TENT5C: variants seen among roughly 807,000 people sequenced by gnomAD.
TENT5C encodes the protein family with sequence similarity 46 member C.
Under a neutral mutation model 22.2 loss-of-function variants are expected in TENT5C, and 5 were observed. That is an observed-to-expected ratio of 0.22 (90% confidence interval 0.12 to 0.47). The LOEUF (loss-of-function observed/expected upper bound fraction) is 0.47. Among genes scored for constraint, TENT5C ranks in the 20% least tolerant of loss-of-function variants. The probability of loss-of-function intolerance (pLI) is 0.99; values close to 1 mark genes in which losing one functional copy is unlikely to be tolerated. For missense variants in TENT5C, 364 were observed against 500.9 expected (o/e 0.73, Z 2.61); for synonymous variants, 199 against 195.4 (o/e 1.02, Z -0.15).
At chr1:117,606,758 G>C (rs1427248042) in intron 1 of TENT5C, among the ~76,000 whole-genome samples, 1 of 152,168 alleles carries the variant, frequency 6.6e-6, no homozygotes, top group Non-Finnish European at 1.5e-5. Flanking sequence ...TCATTGCCAA[G>C]TCCTGAGTTT....
intron 1 of TENT5C, among the ~76,000 whole-genome samples, chr1:117,610,161 G>A (rs769862084): frequency 2.0e-5 from 3 of 151,972 alleles, no homozygotes; most frequent in Non-Finnish European, 4.4e-5. Flanking sequence ...TTAGGGGCCC[G>A]TAGACAGGAA....
intron 1 of TENT5C, among the ~76,000 whole-genome samples, chr1:117,621,075 AT>A (rs1043915563): frequency 2.6e-5 from 4 of 152,132 alleles, no homozygotes; most frequent in Non-Finnish European, 5.9e-5. Flanking sequence ...TTCGTCACAG[AT>A]TTTGCTTGGG....
rs1653997217 is a variant in TENT5C, at chr1:117,625,708, G to C, written c.*1664G>C. 1 of 247,936 alleles carries C rather than the reference G, an allele frequency of 4.0e-6. No individual in the cohort carries two copies. The highest frequency in any genetic ancestry group is 1.8e-4 in the South Asian group (1 of 5,528). The allele number at this position is 247,936 out of a possible 1,614,324, so 15.4% of individuals were successfully genotyped here. A position where few individuals can be genotyped will look rare whatever the true frequency, so the allele number is the denominator to read the frequency against. On this transcript the variant is annotated 3_prime_UTR_variant, in exon 2 of 2. Coordinates refer to ENST00000369448, the MANE Select transcript of TENT5C (RefSeq NM_017709.4). The stretch of plus-strand genomic sequence containing the variant: ...AGTGAAGTTATCCTAATGCAAAAGA[G>C]CTTAGTAGAAAATGAGTGGTTTACC...
At chr1:117,616,878 C>T (rs1022604368) in intron 1 of TENT5C, among the ~76,000 whole-genome samples, 1 of 152,188 alleles carries the variant, frequency 6.6e-6, no homozygotes, top group African/African-American at 2.4e-5. Flanking sequence ...TAGACAATCA[C>T]TTCCATAGCT....
chr1:117,619,425 T>C (rs1205513348), intron 1 of TENT5C, among the ~76,000 whole-genome samples: 1 of 152,204 alleles, frequency 6.6e-6, no homozygotes, highest in Non-Finnish European at 1.5e-5. Context: ...GGGGTTCTTC[T>C]GGTATTTCTG....
chr1:117,617,106 T>C (rs1653798495), intron 1 of TENT5C, among the ~76,000 whole-genome samples: 1 of 152,202 alleles, frequency 6.6e-6, no homozygotes, highest in African/African-American at 2.4e-5. Context: ...CCTCTCCCGC[T>C]CGCCCACCTT....
chr1:117,612,177 C>T (rs367627737), intron 1 of TENT5C, among the ~76,000 whole-genome samples: 184 of 152,250 alleles, frequency 1.2e-3, no homozygotes, highest in Non-Finnish European at 2.1e-3. Flanking sequence ...TCTCTTTCTT[C>T]CCAGTGCATC....
chr1:117,606,279 G>C (rs1217834956), intron 1 of TENT5C, 126 bp downstream of exon 1: 1 of 150,540 alleles, frequency 6.6e-6, no homozygotes. Flanking sequence ...AGCCTGGTAG[G>C]GGGCAGGCGG....
intron 1 of TENT5C, among the ~76,000 whole-genome samples, chr1:117,608,128 C>T (rs1469486551): frequency 1.3e-5 from 2 of 149,568 alleles, no homozygotes; most frequent in African/African-American, 4.9e-5. Flanking sequence ...GTTACCAAAA[C>T]AAAGATCCCT....
intron 1 of TENT5C, among the ~76,000 whole-genome samples, chr1:117,615,969 A>G (rs1000679505): frequency 6.6e-6 from 1 of 152,190 alleles, no homozygotes; most frequent in Non-Finnish European, 1.5e-5. Flanking sequence ...CGTCTGTTTT[A>G]GAAAAGATCA....
rs1189175639 is a variant in TENT5C, at chr1:117,626,834, T to G, written c.*2790T>G. The G allele has an allele frequency of 4.0e-6, 1 of 248,226 alleles. No individual in the cohort carries two copies. The highest frequency in any genetic ancestry group is 8.5e-6 in the Non-Finnish European group (1 of 118,140). The allele number at this position is 248,226 out of a possible 1,614,324, so 15.4% of individuals were successfully genotyped here. A position where few individuals can be genotyped will look rare whatever the true frequency, so the allele number is the denominator to read the frequency against. ...GACTCTGATTTGACTCTTTTTCTGA[T>G]GCTTTCGGCATGTCTGCAGCCTGTT... On this transcript the variant is annotated 3_prime_UTR_variant, in exon 2 of 2. Transcript: ENST00000369448.
rs765177038 is a variant in TENT5C, at chr1:117,625,603, G to C, written c.*1559G>C. 6 of 247,942 alleles carry C rather than the reference G, an allele frequency of 2.4e-5. No individual in the cohort carries two copies. The highest frequency in any genetic ancestry group is 1.1e-4 in the African/African-American group (5 of 45,314). 15.4% of individuals were successfully genotyped at this position (247,942 alleles called of 1,614,324 possible). ...TCTAAAGTGATTTAATCAAATTCAT[G>C]CTCCTGATCTTTTTTTTCCCCCTTC... On this transcript the variant is annotated 3_prime_UTR_variant, in exon 2 of 2. Transcript: ENST00000369448.
At chr1:117,621,401 C>G (rs546402352) in intron 1 of TENT5C, among the ~76,000 whole-genome samples, 29 of 152,238 alleles carry the variant, frequency 1.9e-4, no homozygotes, top group African/African-American at 7.0e-4. Context: ...ATTTTATTTC[C>G]ACCACTGGAG....
Position 117,625,710 on chromosome 1 carries a change from T to G in TENT5C, c.*1666T>G. ...TGAAGTTATCCTAATGCAAAAGAGC[T>G]TAGTAGAAAATGAGTGGTTTACCTT... On this transcript the variant is annotated 3_prime_UTR_variant, in exon 2 of 2. Transcript: ENST00000369448. 1 of 248,138 alleles carries G rather than the reference T, an allele frequency of 4.0e-6. No homozygotes were observed. Among genetic ancestry groups the G allele is most frequent in the East Asian group, 6.0e-5 (1 of 16,580 alleles). 15.4% of individuals were successfully genotyped at this position (248,138 alleles called of 1,614,324 possible).
chr1:117,607,468 T>C (rs1653566641), intron 1 of TENT5C, among the ~76,000 whole-genome samples: 2 of 152,216 alleles, frequency 1.3e-5, no homozygotes, highest in South Asian at 4.1e-4. Flanking sequence ...ATTATTTGTA[T>C]TGTGACAACT....
intron 1 of TENT5C, among the ~76,000 whole-genome samples, chr1:117,616,676 T>G (rs1653787769): frequency 1.3e-5 from 2 of 152,212 alleles, no homozygotes. Flanking sequence ...AACCACACAT[T>G]TGAGGTAACA....
intron 1 of TENT5C, among the ~76,000 whole-genome samples, chr1:117,608,380 A>G (rs1462591890): frequency 6.6e-6 from 1 of 152,128 alleles, no homozygotes; most frequent in Non-Finnish European, 1.5e-5. Context: ...CGAGTTCCAG[A>G]GGCCCGTCCC....
rs758936550 is a variant in TENT5C at position 117,624,370 on chromosome 1, T to C, written c.*326T>C. 6.2e-5 allele frequency: 20 copies of C among 321,448 alleles called. No individual in the cohort carries two copies. The highest frequency in any genetic ancestry group is 9.0e-5 in the Non-Finnish European group (15 of 165,786). The allele number at this position is 321,448 out of a possible 1,614,324, so 19.9% of individuals were successfully genotyped here. A position where few individuals can be genotyped will look rare whatever the true frequency, so the allele number is the denominator to read the frequency against. On this transcript the variant is annotated 3_prime_UTR_variant, in exon 2 of 2. Coordinates refer to ENST00000369448, the MANE Select transcript of TENT5C (RefSeq NM_017709.4). Reference sequence around the variant, plus strand: ...TTGAGCTCTGTGCAGTAATCGAGATTGGGAGAATTTGGGCAGCGCGTGAGA... The same window carrying C: ...TTGAGCTCTGTGCAGTAATCGAGATCGGGAGAATTTGGGCAGCGCGTGAGA...
chr1:117,606,570 C>CA (rs1413405919), intron 1 of TENT5C, among the ~76,000 whole-genome samples: 2 of 152,212 alleles, frequency 1.3e-5, no homozygotes, highest in East Asian at 3.9e-4. Flanking sequence ...CCCCGCCACC[C>CA]ATGCCTCCCT....
Sources: gnomAD v4.1 joint callset for allele counts (sites outside exome capture counted in the v4.1 genomes callset) on GRCh38, gnomAD v4.1.1 for gene constraint, MANE v1.5 for transcripts, NCBI Gene and HGNC (gene_info 2026-07-23, HGNC 2026-07-21) for gene names.